Variants in RAP1A observed in about 807,000 individuals in gnomAD.
RAP1A encodes the protein ras-related protein Rap-1A.
A neutral mutation model predicts 26.4 loss-of-function variants in RAP1A; 6 were observed. The ratio of observed to expected loss-of-function variants is 0.23; its 90% CI spans 0.12 to 0.45. The LOEUF (loss-of-function observed/expected upper bound fraction) is 0.45. Ranked by LOEUF, RAP1A falls within the 20% of genes least tolerant of loss-of-function variation. The pLI, the probability that RAP1A is intolerant of heterozygous loss-of-function variation, is 0.99. For missense variants in RAP1A, 121 were observed against 217.2 expected (o/e 0.56, Z 2.78); for synonymous variants, 73 against 79.4 (o/e 0.92, Z 0.43).
At chr1:111,660,195 G>GT (rs1452336769) in intron 1 of RAP1A, among the ~76,000 whole-genome samples, 6 of 152,250 alleles carry the variant, frequency 3.9e-5, no homozygotes, top group East Asian at 3.9e-4. Context: ...TAACTTGGTG[G>GT]TTTTTTCTGG....
intron 1 of RAP1A, among the ~76,000 whole-genome samples, chr1:111,591,475 TTTCTC>T (rs1340739097): frequency 1.3e-5 from 2 of 152,354 alleles, no homozygotes; most frequent in East Asian, 3.9e-4. Flanking sequence ...CTTTTGTAAA[TTTCTC>T]TGCGTAAGTT....
At chr1:111,576,141 C>T (rs1471731974) in intron 1 of RAP1A, among the ~76,000 whole-genome samples, 3 of 152,150 alleles carry the variant, frequency 2.0e-5, no homozygotes, top group Non-Finnish European at 2.9e-5. Flanking sequence ...ACCTGGAGAA[C>T]GTGTTAAAAT....
At position 111,619,800 on chromosome 1, in the gene RAP1A, C is replaced by G. The variant is rs923022269; in HGVS notation, c.-162C>G. On this transcript the variant is annotated 5_prime_UTR_variant, in exon 1 of 8. Transcript: ENST00000369709. ...CTGGAGGAGGCGCCGCCGCCGCTCC[C>G]GAGGCCCCTGCCGCCGCCGCTCCCG... 2 of 398,474 alleles carry G rather than the reference C, an allele frequency of 5.0e-6. No individual in the cohort carries two copies. The highest frequency in any genetic ancestry group is 8.8e-6 in the Non-Finnish European group (2 of 226,458). 24.7% of individuals were successfully genotyped at this position (398,474 alleles called of 1,614,324 possible).
At chr1:111,586,033 G>A (rs919429862) in intron 1 of RAP1A, among the ~76,000 whole-genome samples, 3 of 152,022 alleles carry the variant, frequency 2.0e-5, no homozygotes, top group African/African-American at 7.2e-5. Context: ...TTTGCTTGTA[G>A]GTATCTTTCT....
At chr1:111,675,369 G>A (rs1661094748) in intron 1 of RAP1A, among the ~76,000 whole-genome samples, 1 of 152,106 alleles carries the variant, frequency 6.6e-6, no homozygotes, top group Non-Finnish European at 1.5e-5. Context: ...CTACTCGGGA[G>A]GCTGAGGCAG....
intron 2 of RAP1A, 80 bp downstream of exon 2, chr1:111,691,497 T>G: frequency 3.1e-6 from 4 of 1,309,372 alleles, no homozygotes; most frequent in Non-Finnish European, 4.4e-6. Flanking sequence ...GACTTCTAGA[T>G]GCCAAAGAGA....
upstream of RAP1A, among the ~76,000 whole-genome samples, chr1:111,618,966 T>C (rs1659077268): frequency 2.0e-5 from 3 of 152,226 alleles, no homozygotes; most frequent in Non-Finnish European, 4.4e-5. Flanking sequence ...GACTAACTTT[T>C]AACAACATGA....
intron 1 of RAP1A, among the ~76,000 whole-genome samples, chr1:111,544,121 C>G (rs1348897562): frequency 6.6e-6 from 1 of 152,194 alleles, no homozygotes; most frequent in Admixed American, 6.5e-5. Flanking sequence ...GCTCCCTTTT[C>G]AAACTAACTT....
intron 1 of RAP1A, among the ~76,000 whole-genome samples, chr1:111,584,310 T>C (rs909498455): frequency 2.6e-5 from 4 of 152,122 alleles, no homozygotes; most frequent in South Asian, 2.1e-4. Flanking sequence ...TGGGCTGCTA[T>C]AACAAAATAC....
chr1:111,603,881 C>T (rs1024270547), intron 1 of RAP1A, among the ~76,000 whole-genome samples: 6 of 152,208 alleles, frequency 3.9e-5, no homozygotes, highest in African/African-American at 1.4e-4. Flanking sequence ...CTGTCTTTGC[C>T]TCCAGCTACA....
upstream of RAP1A, among the ~76,000 whole-genome samples, chr1:111,619,013 A>T (rs1359414): frequency 6.6e-6 from 1 of 151,876 alleles, no homozygotes; most frequent in African/African-American, 2.4e-5. Context: ...CCCTTCTCTC[A>T]TGGTTTCCCG....
intron 1 of RAP1A, among the ~76,000 whole-genome samples, chr1:111,653,088 T>C (rs1296546540): frequency 1.3e-5 from 2 of 152,116 alleles, no homozygotes; most frequent in South Asian, 2.1e-4. Flanking sequence ...TAAAAAGGAA[T>C]GAAATACTGA....
chr1:111,706,841 A>G (rs1571577216), intron 6 of RAP1A: 8 of 705,578 alleles, frequency 1.1e-5, no homozygotes, highest in Admixed American at 1.3e-4. Flanking sequence ...ACCTTTCTAT[A>G]TAGTACCAGA....
At chr1:111,696,576 A>C (rs909986935) in intron 3 of RAP1A, among the ~76,000 whole-genome samples, 2 of 152,214 alleles carry the variant, frequency 1.3e-5, no homozygotes, top group Admixed American at 6.5e-5. Flanking sequence ...AGCAGAGTTT[A>C]AAATAGTCTT....
intron 1 of RAP1A, among the ~76,000 whole-genome samples, chr1:111,555,476 G>A (rs1413872925): frequency 6.6e-6 from 1 of 151,294 alleles, no homozygotes; most frequent in Non-Finnish European, 1.5e-5. Context: ...TCTGTGGACA[G>A]GTTAAATAGT....
chr1:111,688,822 GTTTTTT>G, intron 1 of RAP1A, among the ~76,000 whole-genome samples: 2 of 90,116 alleles, frequency 2.2e-5, no homozygotes, highest in South Asian at 3.4e-4. Context: ...TTTTTTTTTT[GTTTTTT>G]TTTTTGTTTT....
intron 1 of RAP1A, among the ~76,000 whole-genome samples, chr1:111,599,198 T>C (rs1428696214): frequency 6.6e-6 from 1 of 151,948 alleles, no homozygotes; most frequent in Non-Finnish European, 1.5e-5. Context: ...TTTATTTTAT[T>C]TGTCTTTTTT....
Position 111,624,161 on chromosome 1 carries a change from C to T in RAP1A, c.-28+4227C>T, listed in dbSNP as rs183019128. Among the ~76,000 whole-genome samples, 314 of 152,200 alleles carry T rather than the reference C, an allele frequency of 2.1e-3. 1 individual carries two copies. Among genetic ancestry groups the T allele is most frequent in the African/African-American group, 6.4e-3 (266 of 41,536 alleles). On this transcript the variant is annotated intron_variant, in intron 1 of 7. Coordinates refer to ENST00000369709, the MANE Select transcript of RAP1A (RefSeq NM_002884.4). ...ATCTAATCATTTGTAAGAAGAGTTA[C>T]GGCCTATTTCCAAGAATTTTTTGCT...
At chr1:111,696,543 A>T (rs1661834257) in intron 3 of RAP1A, among the ~76,000 whole-genome samples, 1 of 152,192 alleles carries the variant, frequency 6.6e-6, no homozygotes. Context: ...GGTGCCCCTC[A>T]TCAATGTCTG....
Sources: allele counts gnomAD v4.1 joint callset (sites outside exome capture counted in the v4.1 genomes callset), GRCh38; gene constraint gnomAD v4.1.1; transcripts MANE v1.5; gene names NCBI Gene and HGNC (gene_info 2026-07-23, HGNC 2026-07-21).